Variants in LHFPL3 observed in about 807,000 individuals in gnomAD.
The protein encoded by LHFPL3 is LHFPL tetraspan subfamily member 3 protein.
A neutral mutation model predicts 19.3 loss-of-function variants in LHFPL3; 5 were observed. The observed-to-expected ratio is 0.26, with a 90% CI of 0.14 to 0.54. The LOEUF (loss-of-function observed/expected upper bound fraction) is 0.54. LHFPL3 is among the 20% of genes least tolerant of loss of function. The pLI, the probability that LHFPL3 is intolerant of heterozygous loss-of-function variation, is 0.94. For missense variants in LHFPL3, 249 were observed against 307.4 expected, an observed-to-expected ratio of 0.81 and a Z score of 1.42; for synonymous variants, 133 against 126.2, an observed-to-expected ratio of 1.05 and a Z score of -0.36.
chr7:104,373,672 G>A (rs1790653570), intron 1 of LHFPL3, among the ~76,000 whole-genome samples: 1 of 151,818 alleles, frequency 6.6e-6, no homozygotes, highest in Non-Finnish European at 1.5e-5. Flanking sequence ...CAGAAAGGCG[G>A]GAAAAACTCA....
chr7:104,624,339 T>G (rs1791505387), intron 1 of LHFPL3, among the ~76,000 whole-genome samples: 1 of 152,244 alleles, frequency 6.6e-6, no homozygotes, highest in Non-Finnish European at 1.5e-5. Context: ...TTCATTCCTG[T>G]GCTTTGTAAA....
At chr7:104,644,456 G>T (rs918929329) in intron 1 of LHFPL3, among the ~76,000 whole-genome samples, 1 of 152,154 alleles carries the variant, frequency 6.6e-6, no homozygotes, top group East Asian at 1.9e-4. Flanking sequence ...TATGAAAGCC[G>T]ACACAGGAAA....
At chr7:104,426,306 G>C (rs12536428) in intron 1 of LHFPL3, among the ~76,000 whole-genome samples, 37,646 of 152,042 alleles carry the variant, frequency 0.25, 5,854 homozygotes, top group African/African-American at 0.41. Flanking sequence ...GCCCAGGTTG[G>C]AATGCCATGG....
chr7:104,564,165 C>T (rs1484188336), intron 1 of LHFPL3, among the ~76,000 whole-genome samples: 1 of 152,152 alleles, frequency 6.6e-6, no homozygotes, highest in African/African-American at 2.4e-5. Flanking sequence ...CTGACAGAAT[C>T]AGGATTTTCA....
At chr7:104,844,453 T>A (rs1791274387) in intron 2 of LHFPL3, among the ~76,000 whole-genome samples, 5 of 152,224 alleles carry the variant, frequency 3.3e-5, no homozygotes, top group Admixed American at 6.5e-5. Context: ...TTTAGGATAA[T>A]CCAGAATGTG....
At chr7:104,843,705 G>A (rs1338454297) in intron 2 of LHFPL3, among the ~76,000 whole-genome samples, 3 of 151,966 alleles carry the variant, frequency 2.0e-5, no homozygotes, top group South Asian at 2.1e-4. Context: ...AAACTATCTC[G>A]GGCCAGTGAT....
At chr7:104,802,312 T>C (rs1017782425) in intron 2 of LHFPL3, among the ~76,000 whole-genome samples, 2 of 151,760 alleles carry the variant, frequency 1.3e-5, no homozygotes, top group African/African-American at 4.8e-5. Context: ...CTGGGCAACA[T>C]GGTGAAACCC....
At chr7:104,653,725 CT>C (rs1211046521) in intron 1 of LHFPL3, among the ~76,000 whole-genome samples, 1 of 152,200 alleles carries the variant, frequency 6.6e-6, no homozygotes, top group East Asian at 1.9e-4. Context: ...TCATAGAACG[CT>C]TTGACATTCC....
rs974760993 is a variant in LHFPL3 at position 104,370,593 on chromosome 7, G to A, written c.445+41369G>A. 2.0e-5 allele frequency among the ~76,000 whole-genome samples: 3 copies of A among 152,312 alleles called. No homozygotes were observed. The East Asian group carries it at 5.8e-4, about 29-fold the overall frequency. ...CTACTATTATCCCCATTTTAAAGAT[G>A]AGGATAGGGCCGGATGTGGTGGCTC... On this transcript the variant is annotated intron_variant, in intron 1 of 2. Coordinates refer to ENST00000424859, the MANE Select transcript of LHFPL3 (RefSeq NM_199000.3).
At chr7:104,332,375 G>A (rs376976086) in intron 1 of LHFPL3, among the ~76,000 whole-genome samples, 15 of 151,534 alleles carry the variant, frequency 9.9e-5, no homozygotes, top group South Asian at 2.1e-4. Flanking sequence ...GGCTACAGGC[G>A]TGTGCCACCA....
chr7:104,737,045 G>T (rs1398669615), intron 2 of LHFPL3, 134 bp downstream of exon 2: 2 of 646,816 alleles, frequency 3.1e-6, no homozygotes, highest in African/African-American at 3.7e-5. Flanking sequence ...CGTGTAGCTT[G>T]CAGACTTTAC....
At chr7:104,722,266 T>C (rs1793503427) in intron 1 of LHFPL3, among the ~76,000 whole-genome samples, 1 of 152,194 alleles carries the variant, frequency 6.6e-6, no homozygotes, top group East Asian at 1.9e-4. Context: ...TGTGTGGATG[T>C]ATATACAGAT....
chr7:104,635,378 T>C (rs1338820589), intron 1 of LHFPL3, among the ~76,000 whole-genome samples: 1 of 152,128 alleles, frequency 6.6e-6, no homozygotes, highest in Non-Finnish European at 1.5e-5. Context: ...TCAAACATCA[T>C]AATGAAATTG....
At chr7:104,354,913 A>C (rs761272056) in intron 1 of LHFPL3, among the ~76,000 whole-genome samples, 3 of 152,194 alleles carry the variant, frequency 2.0e-5, no homozygotes, top group Non-Finnish European at 4.4e-5. Flanking sequence ...TATTAGTGAA[A>C]TATTTTATAT....
intron 1 of LHFPL3, among the ~76,000 whole-genome samples, chr7:104,717,374 T>C (rs111580855): frequency 0.013 from 1,989 of 152,244 alleles, 41 homozygotes; most frequent in African/African-American, 0.045. Context: ...AGGCAACCTA[T>C]GGCATGGGAG....
chr7:104,870,641 G>A lies in LHFPL3; in HGVS notation c.683-35546G>A, dbSNP rs533014935. Reference sequence around the variant, plus strand: ...CCACCCAAAAAGTTAAGGCAGGGTGGTCTGTGACAACGGGAGCTTCACCAT... The same window carrying A: ...CCACCCAAAAAGTTAAGGCAGGGTGATCTGTGACAACGGGAGCTTCACCAT... On this transcript the variant is annotated intron_variant, in intron 2 of 2. Coordinates refer to ENST00000424859, the MANE Select transcript of LHFPL3 (RefSeq NM_199000.3). Among the ~76,000 whole-genome samples the A allele has an allele frequency of 8.5e-5, 13 of 152,308 alleles. No homozygotes were observed. In the South Asian group the frequency reaches 2.7e-3, roughly 32 times the overall value.
chr7:104,599,254 TAA>T (rs1358978357), intron 1 of LHFPL3, among the ~76,000 whole-genome samples: 1 of 152,246 alleles, frequency 6.6e-6, no homozygotes, highest in Non-Finnish European at 1.5e-5. Context: ...TATAAACACA[TAA>T]ATATAGAATA....
At chr7:104,595,887 C>T (rs937207795) in intron 1 of LHFPL3, among the ~76,000 whole-genome samples, 1 of 152,250 alleles carries the variant, frequency 6.6e-6, no homozygotes, top group African/African-American at 2.4e-5. Context: ...GAGAGAATCA[C>T]CTTGTCTGCC....
At chr7:104,800,481 T>C (rs1411631639) in intron 2 of LHFPL3, among the ~76,000 whole-genome samples, 1 of 152,152 alleles carries the variant, frequency 6.6e-6, no homozygotes, top group Non-Finnish European at 1.5e-5. Flanking sequence ...CTTAAACTTA[T>C]CCATTCCCAT....
Sources: allele counts gnomAD v4.1 joint callset (sites outside exome capture counted in the v4.1 genomes callset), GRCh38; gene constraint gnomAD v4.1.1; transcripts MANE v1.5; gene names NCBI Gene and HGNC (gene_info 2026-07-23, HGNC 2026-07-21).